CMSS1: variants seen among roughly 807,000 people sequenced by gnomAD.
The protein encoded by CMSS1 is protein CMSS1.
Under a neutral mutation model 43.5 loss-of-function variants are expected in CMSS1, and 33 were observed. The ratio of observed to expected loss-of-function variants is 0.76; its 90% confidence interval spans 0.57 to 1.01. The LOEUF is 1.01. Ranked by LOEUF, CMSS1 falls within the 50% of genes least tolerant of loss-of-function variation. The pLI is 0.00. For synonymous variants in CMSS1, 115 were observed against 117.2 expected, an observed-to-expected ratio of 0.98 and a Z score of 0.12; for missense variants, 313 against 326.4, an observed-to-expected ratio of 0.96 and a Z score of 0.32.
Position 99,921,044 on chromosome 3 carries a change from G to T in CMSS1, c.64+103001G>T, listed in dbSNP as rs1266917217. 4.6e-5 allele frequency among the ~76,000 whole-genome samples: 7 copies of T among 152,166 alleles called. No homozygotes were observed. The East Asian group carries it at 1.3e-3, about 29-fold the overall frequency. ...TGATATCTTTGTTTCACTGCTGGGA[G>T]GGTTGCTAGTTTGGGAGTGGTTTAC... On this transcript the variant is annotated intron_variant, in intron 1 of 9. Transcript: ENST00000421999.
In CMSS1 at chr3:99,883,649, T is replaced by G. The variant is rs528841157; in HGVS notation, c.64+65606T>G. ...ACTGCACACCCAAATGTTGTCATCA[T>G]GTACTGCTTCTGTGATAATCTAGGA... On this transcript the variant is annotated intron_variant, in intron 1 of 9. Coordinates refer to ENST00000421999, the MANE Select transcript of CMSS1 (RefSeq NM_032359.4). Among the ~76,000 whole-genome samples, 4 of 152,318 alleles carry G rather than the reference T, an allele frequency of 2.6e-5. No homozygotes were observed. In the South Asian group the frequency reaches 6.2e-4, roughly 24 times the overall value.
chr3:99,954,038 G>T (rs1708251261), intron 1 of CMSS1, among the ~76,000 whole-genome samples: 1 of 152,368 alleles, frequency 6.6e-6, no homozygotes, highest in Non-Finnish European at 1.5e-5. Flanking sequence ...TGTTGTACAT[G>T]TGACCCTCAA....
intron 1 of CMSS1, among the ~76,000 whole-genome samples, chr3:100,136,457 C>G (rs1347620734): frequency 6.6e-6 from 1 of 152,202 alleles, no homozygotes; most frequent in Admixed American, 6.5e-5. Context: ...GCAGCCCCCT[C>G]AAAGCAACCA....
chr3:100,060,912 T>G (rs528362426), intron 1 of CMSS1, among the ~76,000 whole-genome samples: 1 of 152,120 alleles, frequency 6.6e-6, no homozygotes, highest in Non-Finnish European at 1.5e-5. Context: ...GCCATACAGA[T>G]CTATCAATGG....
At chr3:99,992,933 A>G (rs753308514) in intron 1 of CMSS1, among the ~76,000 whole-genome samples, 1 of 151,858 alleles carries the variant, frequency 6.6e-6, no homozygotes, top group Non-Finnish European at 1.5e-5. Flanking sequence ...TCATTTCCTA[A>G]TGTATATTTT....
chr3:100,011,818 A>T (rs889219413), intron 1 of CMSS1: 3 of 152,218 alleles, frequency 2.0e-5, no homozygotes, highest in Admixed American at 2.0e-4. Context: ...GAATAGAAGG[A>T]TGAGTGGCTG....
intron 1 of CMSS1, among the ~76,000 whole-genome samples, chr3:100,093,933 GGTT>G (rs1310914436): frequency 6.6e-6 from 1 of 152,116 alleles, no homozygotes; most frequent in African/African-American, 2.4e-5. Context: ...TTTGTGTACA[GGTT>G]GTTGTGTGAA....
intron 1 of CMSS1, among the ~76,000 whole-genome samples, chr3:99,961,335 A>G (rs774925168): frequency 5.9e-5 from 9 of 152,106 alleles, no homozygotes; most frequent in African/African-American, 9.7e-5. Flanking sequence ...TTTAACCCCA[A>G]TACTCCATGG....
chr3:100,146,221 G>A (rs2066848460), intron 1 of CMSS1, among the ~76,000 whole-genome samples: 1 of 152,186 alleles, frequency 6.6e-6, no homozygotes, highest in Non-Finnish European at 1.5e-5. Flanking sequence ...TTTATAAATA[G>A]GAAAACTGTT....
chr3:100,128,833 T>A lies in CMSS1; in HGVS notation c.65-18140T>A, dbSNP rs113674064. 9.5e-4 allele frequency among the ~76,000 whole-genome samples: 145 copies of A among 152,386 alleles called. 1 individual carries two copies. The highest frequency in any genetic ancestry group is 3.3e-3 in the African/African-American group (136 of 41,598). On this transcript the variant is annotated intron_variant, in intron 1 of 9. Transcript: ENST00000421999. Reference sequence around the variant, plus strand: ...AATCCACGTTGTTGCATTTGTCAGCTATCTATTCCTTTTATTACTCAGTAG... The same window carrying A: ...AATCCACGTTGTTGCATTTGTCAGCAATCTATTCCTTTTATTACTCAGTAG...
intron 1 of CMSS1, among the ~76,000 whole-genome samples, chr3:99,866,589 T>C (rs570594770): frequency 6.6e-6 from 1 of 152,106 alleles, no homozygotes; most frequent in East Asian, 1.9e-4. Context: ...GCAAGGAAAA[T>C]AGGGAAATTT....
chr3:99,992,711 T>A (rs1422711658), intron 1 of CMSS1, among the ~76,000 whole-genome samples: 1 of 152,134 alleles, frequency 6.6e-6, no homozygotes, highest in Non-Finnish European at 1.5e-5. Context: ...GCATTTGCTT[T>A]TGAGGACTTG....
chr3:100,057,194 C>T (rs1251196084), intron 1 of CMSS1, among the ~76,000 whole-genome samples: 1 of 152,114 alleles, frequency 6.6e-6, no homozygotes, highest in African/African-American at 2.4e-5. Flanking sequence ...CTTCTCTGCC[C>T]CTCCAGTGGA....
At chr3:100,151,209 T>G (rs1254622962) in intron 2 of CMSS1, among the ~76,000 whole-genome samples, 1 of 152,220 alleles carries the variant, frequency 6.6e-6, no homozygotes, top group Non-Finnish European at 1.5e-5. Flanking sequence ...ACCTTTTTCC[T>G]TTTCATTATG....
rs550049010 is a variant in CMSS1, at chr3:100,009,480, A to G, written c.65-137493A>G. On this transcript the variant is annotated intron_variant, in intron 1 of 9. Coordinates refer to ENST00000421999, the MANE Select transcript of CMSS1 (RefSeq NM_032359.4). The stretch of plus-strand genomic sequence containing the variant: ...GCTGGGGTGACTGTGGGTCAGAGCT[A>G]ATGCACATAGGCAAGCACGGTATAG... Among the ~76,000 whole-genome samples the G allele has an allele frequency of 4.6e-5, 7 of 152,156 alleles. No homozygotes were observed. The South Asian group carries it at 1.0e-3, about 23-fold the overall frequency.
At chr3:99,869,777 A>G (rs1168793554) in intron 1 of CMSS1, among the ~76,000 whole-genome samples, 1 of 152,236 alleles carries the variant, frequency 6.6e-6, no homozygotes, top group Non-Finnish European at 1.5e-5. Context: ...CACATAAAAA[A>G]GCATTTTAAA....
intron 1 of CMSS1, among the ~76,000 whole-genome samples, chr3:99,977,678 T>C (rs1709011148): frequency 6.6e-6 from 1 of 152,180 alleles, no homozygotes; most frequent in Non-Finnish European, 1.5e-5. Context: ...TTAACCAAGA[T>C]TATTTAAATT....
intron 1 of CMSS1, among the ~76,000 whole-genome samples, chr3:100,025,921 G>A (rs1465747414): frequency 6.6e-6 from 1 of 152,134 alleles, no homozygotes; most frequent in Non-Finnish European, 1.5e-5. Flanking sequence ...CCTGGGCCTC[G>A]GAGCTCCCTT....
chr3:100,035,443 T>A (rs1443989137), intron 1 of CMSS1, among the ~76,000 whole-genome samples: 1 of 152,124 alleles, frequency 6.6e-6, no homozygotes, highest in Non-Finnish European at 1.5e-5. Context: ...CCAGCTAATT[T>A]GGTATTTTTA....
Sources: allele counts gnomAD v4.1 joint callset (sites outside exome capture counted in the v4.1 genomes callset), GRCh38; gene constraint gnomAD v4.1.1; transcripts MANE v1.5; gene names NCBI Gene and HGNC (gene_info 2026-07-23, HGNC 2026-07-21).